The following MAT2B variants were observed in gnomAD, a reference collection of about 807,000 sequenced individuals.
MAT2B encodes the protein methionine adenosyltransferase 2 subunit beta.
A neutral mutation model predicts 36.1 loss-of-function variants in MAT2B; 16 were observed. That is an observed-to-expected ratio of 0.44 (90% CI 0.30 to 0.67). The LOEUF is 0.67. Among genes scored for constraint, MAT2B ranks in the 30% least tolerant of loss-of-function variants. The pLI, the probability that MAT2B is intolerant of heterozygous loss-of-function variation, is 0.09. For missense variants in MAT2B, 332 were observed against 398.2 expected (o/e 0.83, Z 1.42); for synonymous variants, 148 against 136.9 (o/e 1.08, Z -0.57).
At chr5:163,513,798 A>T in intron 3 of MAT2B, 44 bp from the exon 4 acceptor site, 1 of 1,566,198 alleles carries the variant, frequency 6.4e-7, no homozygotes, top group Non-Finnish European at 8.7e-7. Flanking sequence ...ATGAAAGAGT[A>T]ATGTCATGTA....
upstream of MAT2B, among the ~76,000 whole-genome samples, chr5:163,504,328 T>TA (rs11366509): frequency 3.4e-4 from 51 of 148,360 alleles, no homozygotes; most frequent in African/African-American, 1.2e-3. Context: ...AGCCTGTGTT[T>TA]AAAAAAAAAA....
chr5:163,506,772 T>C (rs1193963567), intron 1 of MAT2B, among the ~76,000 whole-genome samples: 1 of 150,834 alleles, frequency 6.6e-6, no homozygotes, highest in Non-Finnish European at 1.5e-5. Flanking sequence ...TATGTGTACG[T>C]GTGCATATAA....
chr5:163,509,970 T>G (rs1760012716), intron 1 of MAT2B, among the ~76,000 whole-genome samples: 1 of 152,234 alleles, frequency 6.6e-6, no homozygotes, highest in South Asian at 2.1e-4. Flanking sequence ...CTGTTAGTCT[T>G]TTCATTTTAC....
chr5:163,512,048 C>G lies in MAT2B; in HGVS notation c.110C>G (p.Thr37Ser). The change falls in exon 2 of 7, where the codon ACT becomes AGT. Residue 37 changes from threonine (T) to serine (S), a missense_variant. Coordinates refer to ENST00000321757, the MANE Select transcript of MAT2B (RefSeq NM_013283.5). ...PNRRVLVTGA[T>S]GLLGRAVHKE... Reference sequence around the variant, plus strand: ...AGGAGGGTTCTGGTTACTGGTGCCACTGGGCTTCTTGGCAGAGCTGTACAC... The same window carrying G: ...AGGAGGGTTCTGGTTACTGGTGCCAGTGGGCTTCTTGGCAGAGCTGTACAC... The G allele has an allele frequency of 6.2e-7, 1 of 1,614,184 alleles. No individual in the cohort carries two copies. Among genetic ancestry groups the G allele is most frequent in the Non-Finnish European group, 8.5e-7 (1 of 1,180,014 alleles).
chr5:163,504,665 G>A (rs1480025747), upstream of MAT2B, among the ~76,000 whole-genome samples: 1 of 152,210 alleles, frequency 6.6e-6, no homozygotes, highest in Non-Finnish European at 1.5e-5. Context: ...CCTGTGCCAG[G>A]GTTTACTTTC....
intron 1 of MAT2B, among the ~76,000 whole-genome samples, chr5:163,511,057 T>G (rs1178443161): frequency 6.6e-6 from 1 of 152,140 alleles, no homozygotes; most frequent in Non-Finnish European, 1.5e-5. Context: ...AATTGTAAAG[T>G]CTTATAAACT....
upstream of MAT2B, chr5:163,503,278 T>C: frequency 1.2e-6 from 1 of 831,814 alleles, no homozygotes; most frequent in Non-Finnish European, 2.0e-6. Flanking sequence ...GTGAAGCTGC[T>C]CCTCACGTTT....
chr5:163,519,318 A>G lies in MAT2B; in HGVS notation c.*955A>G, dbSNP rs1760184678. The G allele has an allele frequency of 1.3e-5, 2 of 152,236 alleles. No homozygotes were observed. Among genetic ancestry groups the G allele is most frequent in the South Asian group, 4.1e-4 (2 of 4,836 alleles). The allele number at this position is 152,236 out of a possible 1,614,324, so 9.4% of individuals were successfully genotyped here. A position where few individuals can be genotyped will look rare whatever the true frequency, so the allele number is the denominator to read the frequency against. On this transcript the variant is annotated 3_prime_UTR_variant, in exon 7 of 7. Transcript: ENST00000321757. ...ATGTATTGAAATAAAACACAATAAA[A>G]TTAACACTTGATCCAGAATGTTAAC...
intron 1 of MAT2B, among the ~76,000 whole-genome samples, chr5:163,507,235 T>G (rs1759962882): frequency 6.6e-6 from 1 of 152,194 alleles, no homozygotes; most frequent in African/African-American, 2.4e-5. Flanking sequence ...CTAGAACATT[T>G]TTAGTAGACA....
At chr5:163,510,156 C>G (rs1760014904) in intron 1 of MAT2B, among the ~76,000 whole-genome samples, 1 of 152,102 alleles carries the variant, frequency 6.6e-6, no homozygotes, top group African/African-American at 2.4e-5. Flanking sequence ...GTTAAAATAA[C>G]TGGTTTGTTT....
At chr5:163,505,851 G>C (rs1759926045) in intron 1 of MAT2B, 102 bp downstream of exon 1, 2 of 953,918 alleles carry the variant, frequency 2.1e-6, no homozygotes, top group African/African-American at 3.4e-5. Flanking sequence ...GCCCGGGTCA[G>C]AGCCTCCGGC....
Position 163,518,309 on chromosome 5 carries a change from A to G in MAT2B, c.951A>G (p.Glu317=), listed in dbSNP as rs1760165793. 6.2e-7 allele frequency: 1 copy of G among 1,613,914 alleles called. No individual in the cohort carries two copies. Among genetic ancestry groups the G allele is most frequent in the African/African-American group, 1.3e-5 (1 of 74,914 alleles). Residue 317 remains glutamate (E), a synonymous_variant, in exon 7 of 7, where the codon GAA becomes GAG. Transcript: ENST00000321757. ...CACCATTTCGAATTGGAATCAAAGA[A>G]TCACTTTGGCCTTTCCTCATTGACA... The part of the protein sequence containing the change: ...QRTPFRIGIK[E]SLWPFLIDKR...
chr5:163,517,269 G>C (rs988353864), intron 5 of MAT2B: 2 of 219,470 alleles, frequency 9.1e-6, no homozygotes, highest in Admixed American at 1.0e-4. Context: ...AAATTGTACT[G>C]TTTTCATAAA....
intron 1 of MAT2B, among the ~76,000 whole-genome samples, chr5:163,507,648 A>G (rs1289373794): frequency 6.6e-6 from 1 of 152,198 alleles, no homozygotes. Context: ...GTGTTTAGAC[A>G]TTTCTTCCTT....
rs375620740 is a variant in MAT2B, at chr5:163,517,545, G to A, written c.721-16G>A. The A allele has an allele frequency of 6.3e-6, 9 of 1,435,276 alleles. No individual in the cohort carries two copies. The highest frequency in any genetic ancestry group is 1.4e-5 in the African/African-American group (1 of 71,346). 88.9% of individuals were successfully genotyped at this position (1,435,276 alleles called of 1,614,324 possible). ...AAAAGTTGAAACTATTGAATTTATT[G>A]TGTCATCGTTCTTAGGATCCATCAA... On this transcript the variant is annotated splice_polypyrimidine_tract_variant and intron_variant, in intron 5 of 6. Coordinates refer to ENST00000321757, the MANE Select transcript of MAT2B (RefSeq NM_013283.5).
intron 4 of MAT2B, among the ~76,000 whole-genome samples, 194 bp downstream of exon 4, chr5:163,514,188 C>T (rs961939907): frequency 2.6e-5 from 4 of 152,164 alleles, no homozygotes; most frequent in African/African-American, 9.7e-5. Context: ...ACAGTTTCCA[C>T]TATCAGTGTT....
intron 1 of MAT2B, among the ~76,000 whole-genome samples, chr5:163,511,661 G>A (rs1300996157): frequency 6.6e-6 from 1 of 150,514 alleles, no homozygotes; most frequent in Non-Finnish European, 1.5e-5. Context: ...ACATTTTTAA[G>A]TTGTGTTTTC....
chr5:163,513,502 A>T (rs1387737493), intron 2 of MAT2B, 53 bp from the exon 3 acceptor site: 1 of 1,016,662 alleles, frequency 9.8e-7, no homozygotes, highest in Non-Finnish European at 1.5e-6. Flanking sequence ...GAAGGCTGTA[A>T]TACCTCTTTC....
At position 163,515,770 on chromosome 5, in the gene MAT2B, CTTTTTTTTTTTTTTT is replaced by C. The variant is rs66978639; in HGVS notation, c.527-736_527-722del. 5.7e-5 allele frequency among the ~76,000 whole-genome samples: 4 copies of C among 69,812 alleles called. No individual in the cohort carries two copies. In the East Asian group the frequency reaches 1.2e-3, roughly 21 times the overall value. 45.8% of individuals were successfully genotyped at this position (69,812 alleles called of 152,430 possible). ...TTAACAAATGTGGTTTTGCCTTTTT[CTTTTTTTTTTTTTTT>C]TTTTTTTTTTTGAGACAGGGTCTCA... On this transcript the variant is annotated intron_variant, in intron 4 of 6. Coordinates refer to ENST00000321757, the MANE Select transcript of MAT2B (RefSeq NM_013283.5).
Sources: gnomAD v4.1 joint callset for allele counts (sites outside exome capture counted in the v4.1 genomes callset) on GRCh38, gnomAD v4.1.1 for gene constraint, MANE v1.5 for transcripts, NCBI Gene and HGNC (gene_info 2026-07-23, HGNC 2026-07-21) for gene names.